Variants in TEX19 observed in about 807,000 individuals in gnomAD.
TEX19 encodes the protein testis expressed 19, also known as testis-expressed protein 19.
For synonymous variants in TEX19, 77 were observed against 73.9 expected (o/e 1.04, Z -0.21); for missense variants, 184 against 194.4 (o/e 0.95, Z 0.32).
In TEX19 at chr17:82,362,184, G is replaced by A. The variant is rs2052400414; in HGVS notation, c.34G>A (p.Glu12Lys). Residue 12 changes from glutamate to lysine, a missense_variant, in exon 2 of 2, where the codon GAG becomes AAG. Transcript: ENST00000333437. The surrounding 1 kb of genome is among the most constrained non-coding windows in gnomAD (Gnocchi z 5.5). ...TCCGGTCAGCATGCGGTATGAGGAA[G>A]AGGGCATGTCCTACCTCTACGCCTC... ...CPPVSMRYEE[E>K]GMSYLYASWM... 6.2e-7 allele frequency: 1 copy of A among 1,612,846 alleles called. No homozygotes were observed. The highest frequency in any genetic ancestry group is 1.7e-5 in the Admixed American group (1 of 60,008).
chr17:82,362,759 T>G lies in TEX19; in HGVS notation c.*114T>G. The G allele has an allele frequency of 7.6e-7, 1 of 1,321,668 alleles. No homozygotes were observed. The highest frequency in any genetic ancestry group is 1.6e-5 in the South Asian group (1 of 62,788). The allele number at this position is 1,321,668 out of a possible 1,614,324, so 81.9% of individuals were successfully genotyped here. ...AGGCCTAGTTACTGGCCCTGCAGCT[T>G]GTCTCCATGGTGGGCTGCTATGATA... On this transcript the variant is annotated 3_prime_UTR_variant, in exon 2 of 2. Transcript: ENST00000333437. The surrounding 1 kb of genome is among the most constrained non-coding windows in gnomAD (Gnocchi z 5.5).
chr17:82,361,986 C>A lies in TEX19; in HGVS notation c.-165C>A. On this transcript the variant is annotated 5_prime_UTR_variant, in exon 2 of 2. Coordinates refer to ENST00000333437, the MANE Select transcript of TEX19 (RefSeq NM_207459.4). ...GCTGGGACCCAGGTCATCCACCCCA[C>A]CCCAAATCCCTGGATAGGAAACCCC... The A allele has an allele frequency of 1.0e-6, 1 of 980,022 alleles. No individual in the cohort carries two copies. The highest frequency in any genetic ancestry group is 1.5e-6 in the Non-Finnish European group (1 of 679,244). 60.7% of individuals were successfully genotyped at this position (980,022 alleles called of 1,614,324 possible). A position where few individuals can be genotyped will look rare whatever the true frequency, so the allele number is the denominator to read the frequency against.
chr17:82,360,419 T>TCAGTTTCCCTCAGGTTCCCC lies in TEX19; in HGVS notation c.-272+1154_-272+1173dup, dbSNP rs1567853213. 5.9e-4 allele frequency among the ~76,000 whole-genome samples: 26 copies of TCAGTTTCCCTCAGGTTCCCC among 43,744 alleles called. 3 individuals carry two copies. Among genetic ancestry groups the TCAGTTTCCCTCAGGTTCCCC allele is most frequent in the Admixed American group, 2.1e-3 (7 of 3,328 alleles). 28.7% of individuals were successfully genotyped at this position (43,744 alleles called of 152,430 possible). ...TTCCCCCAGTTTCCCTCAGGTTCCC[T>TCAGTTTCCCTCAGGTTCCCC]CAGTTTCCCTCAGGTTCCCCCAGTT... is the stretch of plus-strand genomic sequence containing the variant. On this transcript the variant is annotated intron_variant, in intron 1 of 1. Coordinates refer to ENST00000333437, the MANE Select transcript of TEX19 (RefSeq NM_207459.4).
Position 82,362,127 on chromosome 17 carries a change from C to T in TEX19, c.-24C>T, listed in dbSNP as rs11651514. 3.6e-3 allele frequency: 5,610 copies of T among 1,580,088 alleles called. 22 individuals carry two copies. The highest frequency in any genetic ancestry group is 4.5e-3 in the Non-Finnish European group (5,198 of 1,164,626). On this transcript the variant is annotated 5_prime_UTR_variant, in exon 2 of 2. Transcript: ENST00000333437. The surrounding 1 kb of genome is among the most constrained non-coding windows in gnomAD (Gnocchi z 5.5). ...AAGGCCCAGCTCTTGCTGTCCACCC[C>T]GGCAGTAGGCAGGCAGCCTGGCCAT...
chr17:82,361,797 C>T lies in TEX19; in HGVS notation c.-271-83C>T, dbSNP rs150190843. 4.2e-5 allele frequency: 46 copies of T among 1,090,840 alleles called. 1 individual carries two copies. In the African/African-American group the frequency reaches 5.9e-4, roughly 14 times the overall value. 67.6% of individuals were successfully genotyped at this position (1,090,840 alleles called of 1,614,324 possible). ...ACTAAAGGGCCAGTCTGAACCCCAA[C>T]ATCCCTGCCCCTGCTGGTCCCCACA... On this transcript the variant is annotated intron_variant, in intron 1 of 1. Coordinates refer to ENST00000333437, the MANE Select transcript of TEX19 (RefSeq NM_207459.4).
rs137989980 is a variant in TEX19 at position 82,362,421 on chromosome 17, G to A, written c.271G>A (p.Val91Met). The change falls in exon 2 of 2, where the codon GTG (valine) becomes ATG (methionine). Residue 91 changes from valine (V) to methionine (M), a missense_variant. Physicochemically the swap from Val to Met is conservative, Grantham distance 21 (BLOSUM62 1). Coordinates refer to ENST00000333437, the MANE Select transcript of TEX19 (RefSeq NM_207459.4). The surrounding 1 kb of genome is among the most constrained non-coding windows in gnomAD (Gnocchi z 5.5). ...LSWGQSPGQPVQGGSEAWGPG... is the reference protein window; with the variant it reads ...LSWGQSPGQPMQGGSEAWGPG... ...CTGGGGGCAGAGCCCAGGACAGCCT[G>A]TGCAGGGGGGCTCTGAGGCATGGGG... The A allele has an allele frequency of 9.9e-6, 16 of 1,612,992 alleles. No individual in the cohort carries two copies. The African/African-American group carries it at 1.5e-4, about 15-fold the overall frequency.
intron 1 of TEX19, among the ~76,000 whole-genome samples, chr17:82,359,508 GTTT>G (rs2052357501): frequency 6.4e-5 from 9 of 141,066 alleles, no homozygotes; most frequent in Admixed American, 2.1e-4. Flanking sequence ...GTTTCCCTCA[GTTT>G]CCCTCAGGTT....
Position 82,362,204 on chromosome 17 carries a change from C to T in TEX19, c.54C>T (p.Tyr18=), listed in dbSNP as rs149365422. The T allele has an allele frequency of 1.4e-4, 218 of 1,613,554 alleles. No homozygotes were observed. Among genetic ancestry groups the T allele is most frequent in the Admixed American group, 7.3e-4 (44 of 60,022 alleles). Residue 18 remains tyrosine, a synonymous_variant, in exon 2 of 2, where the codon TAC becomes TAT. Coordinates refer to ENST00000333437, the MANE Select transcript of TEX19 (RefSeq NM_207459.4). The surrounding 1 kb of genome is among the most constrained non-coding windows in gnomAD (Gnocchi z 5.5). ...AGGAAGAGGGCATGTCCTACCTCTA[C>T]GCCTCCTGGATGTATCAGCTTCAAC... is the stretch of plus-strand genomic sequence containing the variant. ...RYEEEGMSYL[Y]ASWMYQLQHG... is the part of the protein sequence containing the mutation.
chr17:82,362,073 C>T lies in TEX19; in HGVS notation c.-78C>T. On this transcript the variant is annotated 5_prime_UTR_variant, in exon 2 of 2. Coordinates refer to ENST00000333437, the MANE Select transcript of TEX19 (RefSeq NM_207459.4). The surrounding 1 kb of genome is among the most constrained non-coding windows in gnomAD (Gnocchi z 5.5). ...GCCCAGCATCCTACTGGCCTCAGCACCTGTGGCCAGACCGTCCAAGATCCT... is the reference window on the plus strand; with the variant it reads ...GCCCAGCATCCTACTGGCCTCAGCATCTGTGGCCAGACCGTCCAAGATCCT... 6.6e-7 allele frequency: 1 copy of T among 1,521,264 alleles called. No homozygotes were observed. The highest frequency in any genetic ancestry group is 8.8e-7 in the Non-Finnish European group (1 of 1,135,650). The allele number at this position is 1,521,264 out of a possible 1,614,324, so 94.2% of individuals were successfully genotyped here. A position where few individuals can be genotyped will look rare whatever the true frequency, so the allele number is the denominator to read the frequency against.
chr17:82,362,226 C>A lies in TEX19; in HGVS notation c.76C>A (p.Gln26Lys). Reference sequence around the variant, plus strand: ...CTACGCCTCCTGGATGTATCAGCTTCAACATGGAGATCAGCTAAGCATTTG... The same window carrying A: ...CTACGCCTCCTGGATGTATCAGCTTAAACATGGAGATCAGCTAAGCATTTG... ...YLYASWMYQL[Q>K]HGDQLSICFT... Residue 26 changes from glutamine to lysine, a missense_variant, in exon 2 of 2, where the codon CAA (glutamine) becomes AAA (lysine). Transcript: ENST00000333437. The surrounding 1 kb of genome is among the most constrained non-coding windows in gnomAD (Gnocchi z 5.5). 1 of 1,613,888 alleles carries A rather than the reference C, an allele frequency of 6.2e-7. No homozygotes were observed. Among genetic ancestry groups the A allele is most frequent in the Non-Finnish European group, 8.5e-7 (1 of 1,180,018 alleles).
chr17:82,361,815 TC>T, intron 1 of TEX19, 64 bp from the exon 2 acceptor site: 1 of 1,100,660 alleles, frequency 9.1e-7, no homozygotes, highest in South Asian at 2.6e-5. Flanking sequence ...CCCCTGCTGG[TC>T]CCCACAGTTT....
At chr17:82,360,631 T>C (rs1599668379) in intron 1 of TEX19, among the ~76,000 whole-genome samples, 4 of 112,004 alleles carry the variant, frequency 3.6e-5, no homozygotes, top group South Asian at 3.1e-4. Flanking sequence ...TCAGTTTCCC[T>C]CAGGTTCCCC....
intron 1 of TEX19, chr17:82,361,530 G>A (rs1327577586): frequency 1.3e-6 from 1 of 755,598 alleles, no homozygotes; most frequent in Non-Finnish European, 1.6e-6. Context: ...TTTCCCTCAG[G>A]TTCCCCCAGT....
intron 1 of TEX19, 30 bp from the exon 2 acceptor site, chr17:82,361,850 T>G: frequency 2.2e-6 from 2 of 891,944 alleles, no homozygotes; most frequent in Non-Finnish European, 2.9e-6. Flanking sequence ...CTGCTGGGGG[T>G]GCCTAACCTC....
rs1006299596 is a variant in TEX19, at chr17:82,363,318, G to A, written c.*673G>A. ...ACAGCCAGGGGAGCAGTTGGCAAAGGAAACATGGGGAGCAACTTTAGGGGC... is the reference window on the plus strand; with the variant it reads ...ACAGCCAGGGGAGCAGTTGGCAAAGAAAACATGGGGAGCAACTTTAGGGGC... On this transcript the variant is annotated 3_prime_UTR_variant, in exon 2 of 2. Coordinates refer to ENST00000333437, the MANE Select transcript of TEX19 (RefSeq NM_207459.4). 6.0e-6 allele frequency: 1 copy of A among 167,080 alleles called. No homozygotes were observed. The highest frequency in any genetic ancestry group is 1.5e-5 in the Non-Finnish European group (1 of 68,138). The allele number at this position is 167,080 out of a possible 1,614,324, so 10.3% of individuals were successfully genotyped here. A position where few individuals can be genotyped will look rare whatever the true frequency, so the allele number is the denominator to read the frequency against.
chr17:82,362,027 C>T lies in TEX19; in HGVS notation c.-124C>T, dbSNP rs1567853845. On this transcript the variant is annotated 5_prime_UTR_variant, in exon 2 of 2. Coordinates refer to ENST00000333437, the MANE Select transcript of TEX19 (RefSeq NM_207459.4). The surrounding 1 kb of genome is among the most constrained non-coding windows in gnomAD (Gnocchi z 5.5). ...AGGAAACCCCTTTCTCCTCCTGCTC[C>T]TTGTCCCCTTCATCCCTGCCGCCCA... 1.5e-6 allele frequency: 2 copies of T among 1,316,726 alleles called. No homozygotes were observed. The highest frequency in any genetic ancestry group is 2.1e-6 in the Non-Finnish European group (2 of 966,888). The allele number at this position is 1,316,726 out of a possible 1,614,324, so 81.6% of individuals were successfully genotyped here. A position where few individuals can be genotyped will look rare whatever the true frequency, so the allele number is the denominator to read the frequency against.
rs1226377934 is a variant in TEX19 at position 82,359,894 on chromosome 17, C to A, written c.-272+609C>A. On this transcript the variant is annotated intron_variant, in intron 1 of 1. Transcript: ENST00000333437. ...CCCTCAAGTTTCCCTCGGGTTCCCC[C>A]AGTTTCCCTCAGGTTCCCCCAGTTT... Among the ~76,000 whole-genome samples, 419 of 134,292 alleles carry A rather than the reference C, an allele frequency of 3.1e-3. 15 individuals carry two copies. Among genetic ancestry groups the A allele is most frequent in the Non-Finnish European group, 4.6e-3 (289 of 63,184 alleles). 88.1% of individuals were successfully genotyped at this position (134,292 alleles called of 152,430 possible). A position where few individuals can be genotyped will look rare whatever the true frequency, so the allele number is the denominator to read the frequency against.
Position 82,362,657 on chromosome 17 carries a change from C to T in TEX19, c.*12C>T, listed in dbSNP as rs1049921008. ...TCTTTCCTTCATAGCAGGGGTTTCT[C>T]AAAGTGGACCTGCCCCCAGGGGAGC... On this transcript the variant is annotated 3_prime_UTR_variant, in exon 2 of 2. Transcript: ENST00000333437. The surrounding 1 kb of genome is among the most constrained non-coding windows in gnomAD (Gnocchi z 5.5). The T allele has an allele frequency of 1.3e-6, 2 of 1,527,422 alleles. No individual in the cohort carries two copies. Among genetic ancestry groups the T allele is most frequent in the Non-Finnish European group, 1.8e-6 (2 of 1,141,930 alleles). 94.6% of individuals were successfully genotyped at this position (1,527,422 alleles called of 1,614,324 possible).
Position 82,362,415 on chromosome 17 carries a change from C to T in TEX19, c.265C>T (p.Gln89Ter), listed in dbSNP as rs2143082785. The T allele has an allele frequency of 6.2e-7, 1 of 1,613,008 alleles. No individual in the cohort carries two copies. The highest frequency in any genetic ancestry group is 2.2e-5 in the East Asian group (1 of 44,878). The stretch of plus-strand genomic sequence containing the variant: ...GCTGAGCTGGGGGCAGAGCCCAGGA[C>T]AGCCTGTGCAGGGGGGCTCTGAGGC... ...MELSWGQSPG[Q>*]PVQGGSEAWG... The change falls in exon 2 of 2, where the codon CAG (glutamine) becomes TAG (stop). Residue 89 changes from glutamine to a stop codon, truncating the protein, a stop_gained. Transcript: ENST00000333437. LOFTEE classifies it low-confidence loss of function (END_TRUNC). This position sits in a 1 kb window ranked among gnomAD's most constrained non-coding sequence, Gnocchi z 5.5.
Sources: allele counts gnomAD v4.1 joint callset (sites outside exome capture counted in the v4.1 genomes callset), GRCh38; gene constraint gnomAD v4.1.1; non-coding constraint Gnocchi (gnomAD v3.1); transcripts MANE v1.5; gene names NCBI Gene and HGNC (gene_info 2026-07-23, HGNC 2026-07-21).